The following SGF29 variants were observed in gnomAD, a reference collection of about 807,000 sequenced individuals.
The protein encoded by SGF29 is SAGA complex associated factor 29.
In SGF29, 15 loss-of-function variants were observed where a neutral mutation model predicts 38.1. The observed-to-expected ratio is 0.39, with a 90% confidence interval of 0.26 to 0.61. The LOEUF is 0.61. Ranked by LOEUF, SGF29 falls within the 20% of genes least tolerant of loss-of-function variation. SGF29 has a pLI of 0.49. For synonymous variants in SGF29, 151 were observed against 160.8 expected (o/e 0.94, Z 0.46); for missense variants, 184 against 394.6 (o/e 0.47, Z 4.52).
At chr16:28,588,105 G>T (rs545108860) in intron 4 of SGF29, among the ~76,000 whole-genome samples, 3 of 152,220 alleles carry the variant, frequency 2.0e-5, no homozygotes, top group African/African-American at 7.2e-5. Context: ...CATCCCTGCT[G>T]TGGAAATACT....
rs202147890 is a variant in SGF29 at position 28,589,194 on chromosome 16, C to G, written c.289+30C>G. On this transcript the variant is annotated intron_variant, in intron 5 of 9. Coordinates refer to ENST00000317058, the MANE Select transcript of SGF29 (RefSeq NM_138414.3). The stretch of plus-strand genomic sequence containing the variant: ...GTGGGAGAGAACATGCTGGGAGGTC[C>G]TTTGCTAGGACAAGAGGAGAGGCCC... 8.1e-6 allele frequency: 13 copies of G among 1,612,612 alleles called. No individual in the cohort carries two copies. In the East Asian group the frequency reaches 2.7e-4, roughly 33 times the overall value.
At position 28,554,456 on chromosome 16, in the gene SGF29, C is replaced by T. The variant is rs527419979; in HGVS notation, c.-16+359C>T. ...CGGACAGAGGATGGGCCCCGAACTC[C>T]AGCACTTATTTTATGATTTGCACAA... On this transcript the variant is annotated intron_variant, in intron 1 of 9. Transcript: ENST00000317058. Among the ~76,000 whole-genome samples, 1,089 of 152,316 alleles carry T rather than the reference C, an allele frequency of 7.1e-3. 6 individuals are homozygous for T. The highest frequency in any genetic ancestry group is 0.011 in the Non-Finnish European group (782 of 68,016).
chr16:28,557,965 GTTTT>G (rs753237384), intron 1 of SGF29, among the ~76,000 whole-genome samples: 11 of 65,620 alleles, frequency 1.7e-4, no homozygotes, highest in East Asian at 4.5e-4. Context: ...TTCTTTCTCT[GTTTT>G]TTTTTTTTTT....
At chr16:28,588,758 A>G (rs1005932703) in intron 4 of SGF29, 11 of 351,818 alleles carry the variant, frequency 3.1e-5, no homozygotes, top group African/African-American at 2.4e-4. Context: ...TTTAATACAG[A>G]CGGGGTTTCA....
chr16:28,562,589 G>C (rs1245837712), intron 1 of SGF29, among the ~76,000 whole-genome samples: 3 of 152,020 alleles, frequency 2.0e-5, no homozygotes, highest in Non-Finnish European at 4.4e-5. Context: ...TGGGTACCAA[G>C]ATGCAAAGAC....
At chr16:28,562,428 C>G (rs1379308047) in intron 1 of SGF29, among the ~76,000 whole-genome samples, 1 of 152,158 alleles carries the variant, frequency 6.6e-6, no homozygotes, top group African/African-American at 2.4e-5. Flanking sequence ...GTTCCTTTCC[C>G]TGATGGCTGT....
chr16:28,584,680 T>TCG (rs555487069), intron 2 of SGF29, among the ~76,000 whole-genome samples: 111 of 151,084 alleles, frequency 7.3e-4, no homozygotes, highest in Middle Eastern at 6.8e-3. Flanking sequence ...TCCCAGCTAC[T>TCG]CGGGAGGCTG....
At chr16:28,564,641 ATG>A (rs199784506) in intron 1 of SGF29, among the ~76,000 whole-genome samples, 5 of 112,944 alleles carry the variant, frequency 4.4e-5, no homozygotes, top group Admixed American at 4.1e-4. Context: ...ATACGTATAT[ATG>A]TGTATATATA....
intron 1 of SGF29, among the ~76,000 whole-genome samples, chr16:28,569,557 TGG>T: frequency 2.6e-5 from 4 of 151,818 alleles, no homozygotes; most frequent in African/African-American, 9.7e-5. Context: ...GAGGCTGAGG[TGG>T]GAGGATCACT....
At chr16:28,589,951 G>T (rs910335352) in intron 5 of SGF29, 145 bp from the exon 6 acceptor site, 13 of 1,173,224 alleles carry the variant, frequency 1.1e-5, no homozygotes, top group Admixed American at 5.7e-5. Context: ...ACACATGGCC[G>T]ATGGGGTCAC....
At chr16:28,560,885 T>A (rs2046783662) in intron 1 of SGF29, among the ~76,000 whole-genome samples, 2 of 143,750 alleles carry the variant, frequency 1.4e-5, no homozygotes, top group East Asian at 2.1e-4. Context: ...GGCGTGAACC[T>A]GGGAGGCGGA....
chr16:28,569,633 C>G (rs1164971492), intron 1 of SGF29, among the ~76,000 whole-genome samples: 2 of 151,920 alleles, frequency 1.3e-5, no homozygotes, highest in East Asian at 3.9e-4. Context: ...GCCTGGGTGA[C>G]AGAGCGAGAG....
At chr16:28,586,405 G>A (rs1053552159) in intron 4 of SGF29, among the ~76,000 whole-genome samples, 17 of 151,854 alleles carry the variant, frequency 1.1e-4, no homozygotes, top group African/African-American at 3.9e-4. Flanking sequence ...CAGGTGTGGT[G>A]GCGCACGCTA....
intron 4 of SGF29, among the ~76,000 whole-genome samples, chr16:28,586,862 G>A (rs1367406485): frequency 6.6e-6 from 1 of 152,088 alleles, no homozygotes; most frequent in Non-Finnish European, 1.5e-5. Flanking sequence ...GTGATTGATC[G>A]ATTAAGACAG....
intron 1 of SGF29, among the ~76,000 whole-genome samples, chr16:28,576,797 A>G (rs765264547): frequency 2.6e-5 from 4 of 152,166 alleles, no homozygotes; most frequent in Non-Finnish European, 5.9e-5. Context: ...ACGTAACCCA[A>G]TGTCCATCAG....
chr16:28,585,817 A>AT lies in SGF29; in HGVS notation c.224+98dup. The AT allele has an allele frequency of 3.5e-6, 4 of 1,155,124 alleles. No individual in the cohort carries two copies. In the Admixed American group the frequency reaches 7.1e-5, roughly 20 times the overall value. The allele number at this position is 1,155,124 out of a possible 1,614,324, so 71.6% of individuals were successfully genotyped here. ...CAAGTCCCCAGCCTGCCTTCCTCCC[A>AT]TGGATAAGCTGATTGCTACTCCCAG... On this transcript the variant is annotated intron_variant, in intron 4 of 9. Coordinates refer to ENST00000317058, the MANE Select transcript of SGF29 (RefSeq NM_138414.3).
intron 1 of SGF29, among the ~76,000 whole-genome samples, chr16:28,559,784 G>C (rs925376553): frequency 6.6e-6 from 1 of 152,194 alleles, no homozygotes; most frequent in Admixed American, 6.6e-5. Context: ...GATTTCAGCT[G>C]ATGCTTGCCT....
At chr16:28,564,714 T>G (rs2046821681) in intron 1 of SGF29, among the ~76,000 whole-genome samples, 2 of 93,856 alleles carry the variant, frequency 2.1e-5, no homozygotes, top group East Asian at 2.3e-4. Flanking sequence ...TATACATATA[T>G]ATGTATATAT....
intron 5 of SGF29, 154 bp downstream of exon 5, chr16:28,589,318 A>G: frequency 1.4e-6 from 1 of 697,892 alleles, no homozygotes; most frequent in Non-Finnish European, 2.5e-6. Context: ...CTGAGAAGGG[A>G]CAGGAGGTCA....
Sources: gnomAD v4.1 joint callset for allele counts (sites outside exome capture counted in the v4.1 genomes callset) on GRCh38, gnomAD v4.1.1 for gene constraint, MANE v1.5 for transcripts, NCBI Gene and HGNC (gene_info 2026-07-23, HGNC 2026-07-21) for gene names.